The following CFAP20DC variants were observed in gnomAD, a reference collection of about 807,000 sequenced individuals.
The protein encoded by CFAP20DC is protein CFAP20DC.
In CFAP20DC, 84 loss-of-function variants were observed where a neutral mutation model predicts 101.7. The ratio of observed to expected loss-of-function variants is 0.83; its 90% CI spans 0.69 to 0.99. CFAP20DC has a LOEUF of 0.99. CFAP20DC is among the 50% of genes least tolerant of loss of function. The pLI, the probability that CFAP20DC is intolerant of heterozygous loss-of-function variation, is 0.00. For missense variants in CFAP20DC, 1,007 were observed against 970.3 expected (o/e 1.04, Z -0.50); for synonymous variants, 359 against 351.2 (o/e 1.02, Z -0.25).
intron 15 of CFAP20DC, among the ~76,000 whole-genome samples, chr3:58,800,312 A>G (rs1575673606): frequency 6.6e-6 from 1 of 152,222 alleles, no homozygotes; most frequent in Non-Finnish European, 1.5e-5. Flanking sequence ...AGACTATAGC[A>G]GTGAAAACAG....
At chr3:58,767,098 C>T (rs908444519) in intron 15 of CFAP20DC, among the ~76,000 whole-genome samples, 124 of 152,166 alleles carry the variant, frequency 8.1e-4, no homozygotes, top group Non-Finnish European at 8.8e-5. Context: ...ACAGTAGCTG[C>T]TCCCTCAATA....
chr3:58,722,374 T>C lies in CFAP20DC; in HGVS notation c.198-4746A>G, dbSNP rs1272615681. 6.6e-6 allele frequency among the ~76,000 whole-genome samples: 1 copy of C among 152,100 alleles called. No homozygotes were observed. Among genetic ancestry groups the C allele is most frequent in the Non-Finnish European group, 1.5e-5 (1 of 67,994 alleles). ...TTATATCACTCAAGTTTGGGGTGGTTTGTTGTGCAGTGAGAGGTAACTGGG... is the reference window on the plus strand; with the variant it reads ...TTATATCACTCAAGTTTGGGGTGGTCTGTTGTGCAGTGAGAGGTAACTGGG... On this transcript the variant is annotated intron_variant, in intron 3 of 3. Transcript: ENST00000486145. The surrounding 1 kb of genome is among the most constrained non-coding windows in gnomAD (Gnocchi z 4.5).
intron 3 of CFAP20DC, among the ~76,000 whole-genome samples, chr3:59,040,081 CTAATTA>C (rs1471462825): frequency 1.1e-4 from 16 of 152,058 alleles, no homozygotes; most frequent in Admixed American, 1.0e-3. Flanking sequence ...GAAAACAATT[CTAATTA>C]TGACAACTAC....
At chr3:58,885,854 T>C (rs11919196) in intron 6 of CFAP20DC, among the ~76,000 whole-genome samples, 50 of 152,128 alleles carry the variant, frequency 3.3e-4, no homozygotes, top group African/African-American at 1.2e-3. Flanking sequence ...TATTCATTCA[T>C]CTGTTGTTGG....
In CFAP20DC at chr3:58,899,696, C is replaced by T. The variant is rs2082979470; in HGVS notation, c.550+14012G>A. Among the ~76,000 whole-genome samples, 2 of 152,166 alleles carry T rather than the reference C, an allele frequency of 1.3e-5. No homozygotes were observed. ...GGTTTCCTGGGCAGGACTGCACAATCACTCACCGCTTCCCTTGGCTGGGGT... is the reference window on the plus strand; with the variant it reads ...GGTTTCCTGGGCAGGACTGCACAATTACTCACCGCTTCCCTTGGCTGGGGT... On this transcript the variant is annotated intron_variant, in intron 6 of 16. Coordinates refer to ENST00000482387, the MANE Select transcript of CFAP20DC (RefSeq NM_001394063.1). The surrounding 1 kb of genome is among the most constrained non-coding windows in gnomAD (Gnocchi z 5.0).
intron 15 of CFAP20DC, among the ~76,000 whole-genome samples, chr3:58,754,836 A>G (rs970777959): frequency 6.6e-6 from 1 of 152,196 alleles, no homozygotes; most frequent in Admixed American, 6.6e-5. Context: ...GCTAAGATTC[A>G]TGTGTGAAAA....
At chr3:59,030,854 C>T (rs540703289) in intron 4 of CFAP20DC, among the ~76,000 whole-genome samples, 68 of 152,052 alleles carry the variant, frequency 4.5e-4, no homozygotes, top group African/African-American at 1.6e-3. Context: ...GACGGAGTCT[C>T]GCTCTGTCAC....
At chr3:59,032,795 C>T (rs2094021815) in intron 4 of CFAP20DC, among the ~76,000 whole-genome samples, 2 of 152,274 alleles carry the variant, frequency 1.3e-5, no homozygotes, top group African/African-American at 4.8e-5. Flanking sequence ...AACGTTCCTG[C>T]CTGCTGGCTC....
At chr3:58,772,804 T>C (rs1437626934) in intron 15 of CFAP20DC, among the ~76,000 whole-genome samples, 3 of 152,202 alleles carry the variant, frequency 2.0e-5, no homozygotes, top group Non-Finnish European at 4.4e-5. Flanking sequence ...TTTAAAAAAG[T>C]TGTAGAACAG....
chr3:58,836,002 T>C (rs575956047), intron 13 of CFAP20DC, among the ~76,000 whole-genome samples: 2 of 152,204 alleles, frequency 1.3e-5, no homozygotes, highest in Non-Finnish European at 2.9e-5. Flanking sequence ...TCAATCAGAT[T>C]TGTCCTAGGA....
intron 15 of CFAP20DC, among the ~76,000 whole-genome samples, chr3:58,800,517 G>C (rs112956843): frequency 6.6e-6 from 1 of 152,172 alleles, no homozygotes; most frequent in Non-Finnish European, 1.5e-5. Context: ...AGAAAATCAA[G>C]TTACCTTTTC....
intron 12 of CFAP20DC, among the ~76,000 whole-genome samples, chr3:58,850,557 C>T (rs1413227545): frequency 1.4e-5 from 2 of 146,480 alleles, no homozygotes; most frequent in Non-Finnish European, 3.0e-5. Context: ...CATTGCACCC[C>T]AGCCTGGGCA....
At chr3:59,040,704 A>G (rs1363882172) in intron 3 of CFAP20DC, among the ~76,000 whole-genome samples, 1 of 152,116 alleles carries the variant, frequency 6.6e-6, no homozygotes, top group Non-Finnish European at 1.5e-5. Flanking sequence ...GATAGTCTAT[A>G]TAAAGAACTT....
chr3:58,801,915 A>G (rs1185640329), intron 15 of CFAP20DC, among the ~76,000 whole-genome samples: 1 of 152,220 alleles, frequency 6.6e-6, no homozygotes, highest in East Asian at 1.9e-4. Context: ...CACTTTAGAA[A>G]ATCATGCCAT....
At chr3:58,749,640 C>A (rs1026318258) in intron 16 of CFAP20DC, among the ~76,000 whole-genome samples, 3 of 152,158 alleles carry the variant, frequency 2.0e-5, no homozygotes, top group Non-Finnish European at 2.9e-5. Flanking sequence ...CTCCCAAACT[C>A]CTTCTGAATG....
chr3:58,944,668 A>C (rs183575122), intron 4 of CFAP20DC, among the ~76,000 whole-genome samples: 1 of 152,294 alleles, frequency 6.6e-6, no homozygotes, highest in African/African-American at 2.4e-5. Context: ...GAACCATATT[A>C]TATTCTTAAG....
intron 4 of CFAP20DC, among the ~76,000 whole-genome samples, chr3:59,004,182 T>C (rs2093378099): frequency 1.3e-5 from 2 of 152,140 alleles, no homozygotes; most frequent in South Asian, 4.1e-4. Context: ...TTCACTGATG[T>C]ATGTTAATAA....
In CFAP20DC at chr3:58,724,448, A is replaced by C. The variant is rs547293307; in HGVS notation, c.198-6820T>G. 1.3e-5 allele frequency among the ~76,000 whole-genome samples: 2 copies of C among 152,180 alleles called. No individual in the cohort carries two copies. The highest frequency in any genetic ancestry group is 2.4e-5 in the African/African-American group (1 of 41,440). Reference sequence around the variant, plus strand: ...CTCTTATCTGTAAACACTGTGTTCAAGGAGAAAGGCACTCCTTTGAAGCAC... The same window carrying C: ...CTCTTATCTGTAAACACTGTGTTCACGGAGAAAGGCACTCCTTTGAAGCAC... On this transcript the variant is annotated intron_variant, in intron 3 of 3. Transcript: ENST00000486145. The surrounding 1 kb of genome is among the most constrained non-coding windows in gnomAD (Gnocchi z 5.6).
intron 13 of CFAP20DC, among the ~76,000 whole-genome samples, chr3:58,833,006 T>C (rs548844156): frequency 6.6e-6 from 1 of 152,236 alleles, no homozygotes; most frequent in Non-Finnish European, 1.5e-5. Context: ...TAGAATTTTT[T>C]AGATGTTTAT....
Sources: allele counts gnomAD v4.1 joint callset (sites outside exome capture counted in the v4.1 genomes callset), GRCh38; gene constraint gnomAD v4.1.1; non-coding constraint Gnocchi (gnomAD v3.1); transcripts MANE v1.5; gene names NCBI Gene and HGNC (gene_info 2026-07-23, HGNC 2026-07-21).